The following KIF16B variants were observed in gnomAD, a reference collection of about 807,000 sequenced individuals.
KIF16B encodes kinesin family member 16B.
Under a neutral mutation model 156.3 loss-of-function variants are expected in KIF16B, and 98 were observed. The observed-to-expected ratio is 0.63, with a 90% CI of 0.53 to 0.74. The LOEUF (loss-of-function observed/expected upper bound fraction) is 0.74, where lower values mean the gene tolerates loss of function less well. Ranked by LOEUF, KIF16B falls within the 30% of genes least tolerant of loss-of-function variation. The pLI is 0.00. For missense variants in KIF16B, 1,421 were observed against 1,606.5 expected, an observed-to-expected ratio of 0.88 and a Z score of 1.97; for synonymous variants, 564 against 583.7, an observed-to-expected ratio of 0.97 and a Z score of 0.49.
At chr20:16,452,899 A>G (rs1237654276) in intron 12 of KIF16B, among the ~76,000 whole-genome samples, 1 of 152,112 alleles carries the variant, frequency 6.6e-6, no homozygotes, top group Non-Finnish European at 1.5e-5. Context: ...AACGAAGAAA[A>G]AAAAATAGAA....
chr20:16,469,340 G>GA (rs1168291557), intron 12 of KIF16B, among the ~76,000 whole-genome samples: 1 of 146,206 alleles, frequency 6.8e-6, no homozygotes, highest in Non-Finnish European at 1.5e-5. Flanking sequence ...AAGATAAATG[G>GA]AAAATCCTAA....
At chr20:16,515,870 G>A (rs2069127922) in intron 3 of KIF16B, among the ~76,000 whole-genome samples, 1 of 152,156 alleles carries the variant, frequency 6.6e-6, no homozygotes, top group East Asian at 1.9e-4. Flanking sequence ...ACAAAAAGCA[G>A]CCCCATCCTC....
Position 16,272,934 on chromosome 20 carries a change from G to T in KIF16B, c.*319C>A, listed in dbSNP as rs560403091. 1 of 213,318 alleles carries T rather than the reference G, an allele frequency of 4.7e-6. No homozygotes were observed. The highest frequency in any genetic ancestry group is 1.2e-4 in the South Asian group (1 of 8,162). 13.2% of individuals were successfully genotyped at this position (213,318 alleles called of 1,614,324 possible). The stretch of plus-strand genomic sequence containing the variant: ...GGCTGGCTGGGCTCAGGGAACCCAC[G>T]ATGGCCCAACCACATCTATCTTGCC... On this transcript the variant is annotated 3_prime_UTR_variant, in exon 26 of 26. Transcript: ENST00000354981.
Position 16,494,391 on chromosome 20 carries a change from A to G in KIF16B, c.1243-41T>C, listed in dbSNP as rs759584432. ...TACATACGTGACTGCTTCATAAAGA[A>G]AGTTTATAATTTTCTTCTAGTTTCC... On this transcript the variant is annotated intron_variant, in intron 11 of 25. Transcript: ENST00000354981. 6 of 1,322,056 alleles carry G rather than the reference A, an allele frequency of 4.5e-6. No homozygotes were observed. The African/African-American group carries it at 9.0e-5, about 20-fold the overall frequency. 81.9% of individuals were successfully genotyped at this position (1,322,056 alleles called of 1,614,324 possible). A position where few individuals can be genotyped will look rare whatever the true frequency, so the allele number is the denominator to read the frequency against.
rs6043916 is a variant in KIF16B at position 16,372,933 on chromosome 20, G to A, written c.3351-1172C>T. Reference sequence around the variant, plus strand: ...GGCTGGTCTTGAACTCCTGACCTCAGGTGATCTGCCTGGCTCGGCCTCTCG... The same window carrying A: ...GGCTGGTCTTGAACTCCTGACCTCAAGTGATCTGCCTGGCTCGGCCTCTCG... On this transcript the variant is annotated intron_variant, in intron 20 of 25. Coordinates refer to ENST00000354981, the MANE Select transcript of KIF16B (RefSeq NM_024704.5). 2.0e-3 allele frequency among the ~76,000 whole-genome samples: 312 copies of A among 152,294 alleles called. 1 individual carries two copies. Among genetic ancestry groups the A allele is most frequent in the African/African-American group, 7.1e-3 (297 of 41,564 alleles).
At position 16,332,201 on chromosome 20, in the gene KIF16B, C is replaced by A. The variant is rs936804909; in HGVS notation, c.3711+3725G>T. On this transcript the variant is annotated intron_variant, in intron 24 of 25. Transcript: ENST00000354981. ...CAATGGCCTGGGACTGGCTTCTGCT[C>A]ATCAATTGTTTGATACAAGGCAAGT... 1.3e-4 allele frequency among the ~76,000 whole-genome samples: 20 copies of A among 152,062 alleles called. 1 individual carries two copies. The highest frequency in any genetic ancestry group is 2.9e-5 in the Non-Finnish European group (2 of 68,016).
rs140792137 is a variant in KIF16B, at chr20:16,515,614, A to G, written c.282T>C (p.Tyr94=). 33 of 1,613,558 alleles carry G rather than the reference A, an allele frequency of 2.0e-5. No individual in the cohort carries two copies. The highest frequency in any genetic ancestry group is 2.6e-5 in the Non-Finnish European group (31 of 1,179,704). ...GCCCATATGCAAAGACACAAGCATT[A>G]TAACCTTCAAATGCAGACTTCACGA... ...TDVVKSAFEG[Y]NACVFAYGQT... The change falls in exon 4 of 26, where the codon TAT becomes TAC. Residue 94 remains tyrosine (Y), a synonymous_variant. Coordinates refer to ENST00000354981, the MANE Select transcript of KIF16B (RefSeq NM_024704.5).
intron 19 of KIF16B, among the ~76,000 whole-genome samples, chr20:16,375,267 G>T (rs568270533): frequency 6.6e-6 from 1 of 152,248 alleles, no homozygotes; most frequent in South Asian, 2.1e-4. Context: ...TTTAAACACG[G>T]GTCTCAATTT....
At chr20:16,306,862 C>A (rs558717995) in intron 25 of KIF16B, among the ~76,000 whole-genome samples, 6 of 152,288 alleles carry the variant, frequency 3.9e-5, no homozygotes, top group African/African-American at 1.4e-4. Flanking sequence ...TATGCAATCA[C>A]ATTTAATTCT....
chr20:16,296,501 G>A lies in KIF16B; in HGVS notation c.3795+15834C>T, dbSNP rs139772403. On this transcript the variant is annotated intron_variant, in intron 25 of 25. Coordinates refer to ENST00000354981, the MANE Select transcript of KIF16B (RefSeq NM_024704.5). ...AGCTCTAAGTCTGCCATCTTGAGTC[G>A]TTCTGTGCTACTTTCTTCTGATGCT... Among the ~76,000 whole-genome samples the A allele has an allele frequency of 9.8e-4, 149 of 152,258 alleles. 1 individual carries two copies. The highest frequency in any genetic ancestry group is 1.9e-3 in the Non-Finnish European group (129 of 68,028).
intron 25 of KIF16B, among the ~76,000 whole-genome samples, chr20:16,280,880 C>A (rs1473361779): frequency 1.1e-5 from 1 of 92,648 alleles, no homozygotes; most frequent in East Asian, 3.5e-4. Flanking sequence ...GCAGAAAATG[C>A]AAGCATGAGA....
intron 11 of KIF16B, among the ~76,000 whole-genome samples, chr20:16,495,879 G>A (rs755186852): frequency 1.3e-5 from 2 of 152,090 alleles, no homozygotes; most frequent in Non-Finnish European, 2.9e-5. Context: ...TTTGTAAAGA[G>A]GAGGTCTCAT....
rs1020533834 is a variant in KIF16B at position 16,417,325 on chromosome 20, A to T, written c.1612+9779T>A. ...AGCCTGGCCAACGGGTAGTACACCC[A>T]CTGCTACTGGAGGAGCACTGCAAAG... On this transcript the variant is annotated intron_variant, in intron 15 of 25. Transcript: ENST00000354981. Among the ~76,000 whole-genome samples, 4 of 152,290 alleles carry T rather than the reference A, an allele frequency of 2.6e-5. No individual in the cohort carries two copies. The South Asian group carries it at 8.3e-4, about 32-fold the overall frequency.
chr20:16,537,216 A>G (rs529826512), intron 1 of KIF16B, among the ~76,000 whole-genome samples: 18 of 152,300 alleles, frequency 1.2e-4, no homozygotes, highest in South Asian at 6.2e-4. Flanking sequence ...CAGTGCTACT[A>G]TACAAAGTCC....
intron 17 of KIF16B, among the ~76,000 whole-genome samples, chr20:16,393,149 G>A (rs1372573469): frequency 6.6e-6 from 1 of 151,980 alleles, no homozygotes; most frequent in Non-Finnish European, 1.5e-5. Context: ...TACAATATCT[G>A]ATGTACACTT....
intron 12 of KIF16B, among the ~76,000 whole-genome samples, chr20:16,438,652 A>G (rs1211745322): frequency 6.6e-6 from 1 of 152,142 alleles, no homozygotes; most frequent in African/African-American, 2.4e-5. Context: ...AAGTCAGTGA[A>G]GCTCTGTCAA....
chr20:16,318,208 T>C (rs1466993178), intron 24 of KIF16B, among the ~76,000 whole-genome samples: 1 of 152,022 alleles, frequency 6.6e-6, no homozygotes, highest in African/African-American at 2.4e-5. Context: ...ACTGAAACTA[T>C]GTGTAAAAAG....
At chr20:16,283,947 G>T (rs913486256) in intron 25 of KIF16B, among the ~76,000 whole-genome samples, 2 of 152,118 alleles carry the variant, frequency 1.3e-5, no homozygotes, top group African/African-American at 2.4e-5. Flanking sequence ...AGTTCCTAAA[G>T]ACCACCTACA....
intron 12 of KIF16B, among the ~76,000 whole-genome samples, chr20:16,486,866 C>T (rs2068130882): frequency 6.6e-6 from 1 of 152,144 alleles, no homozygotes; most frequent in Non-Finnish European, 1.5e-5. Context: ...TCTCCTCCTT[C>T]ATCTAAAATC....
Sources: gnomAD v4.1 joint callset for allele counts (sites outside exome capture counted in the v4.1 genomes callset) on GRCh38, gnomAD v4.1.1 for gene constraint, MANE v1.5 for transcripts, NCBI Gene and HGNC (gene_info 2026-07-23, HGNC 2026-07-21) for gene names.